Variants in GTF3C3 observed in about 807,000 individuals in gnomAD.
GTF3C3 encodes the protein general transcription factor 3C polypeptide 3.
A neutral mutation model predicts 105.2 loss-of-function variants in GTF3C3; 75 were observed. The ratio of observed to expected loss-of-function variants is 0.71; its 90% CI spans 0.59 to 0.86. GTF3C3 has a LOEUF of 0.86. GTF3C3 is among the 40% of genes least tolerant of loss of function. The pLI is 0.00. For missense variants in GTF3C3, 856 were observed against 1,076.5 expected (o/e 0.80, Z 2.87); for synonymous variants, 335 against 370.4 (o/e 0.90, Z 1.10).
At chr2:196,781,389 A>AT (rs1699359447) in intron 8 of GTF3C3, among the ~76,000 whole-genome samples, 1 of 53,660 alleles carries the variant, frequency 1.9e-5, no homozygotes, top group African/African-American at 4.8e-5. Context: ...TATATATATA[A>AT]AATTAAATAA....
At chr2:196,768,022 T>C (rs1699097500) in intron 16 of GTF3C3, among the ~76,000 whole-genome samples, 1 of 152,206 alleles carries the variant, frequency 6.6e-6, no homozygotes, top group Admixed American at 6.5e-5. Context: ...TCTATTGTTC[T>C]ATTCTGTTCT....
At chr2:196,775,298 T>C (rs761231689) in intron 12 of GTF3C3, 47 bp from the exon 13 acceptor site, 1 of 1,541,434 alleles carries the variant, frequency 6.5e-7, no homozygotes, top group African/African-American at 1.4e-5. Context: ...ATAACTGTTT[T>C]GTTTAGAGAC....
chr2:196,778,811 CTA>C, intron 10 of GTF3C3, 83 bp downstream of exon 10: 1 of 1,227,978 alleles, frequency 8.1e-7, no homozygotes, highest in Non-Finnish European at 1.2e-6. Context: ...AACACTTGCA[CTA>C]TAATAATTAT....
chr2:196,781,357 A>ATAT (rs1553578902), intron 8 of GTF3C3, among the ~76,000 whole-genome samples: 42 of 18,792 alleles, frequency 2.2e-3, no homozygotes, highest in East Asian at 5.7e-3. Flanking sequence ...AAAAAAAAAA[A>ATAT]ATATATATAT....
Position 196,781,357 on chromosome 2 carries a change from A to AAAAT in GTF3C3, c.1115-696_1115-695insATTT. The stretch of plus-strand genomic sequence containing the variant: ...ATGTTAAGGGGAAAAAAAAAAAAAA[A>AAAAT]ATATATATATATATATATATATATA... On this transcript the variant is annotated intron_variant, in intron 8 of 17. Transcript: ENST00000263956. Among the ~76,000 whole-genome samples the AAAAT allele has an allele frequency of 4.8e-4, 9 of 18,818 alleles. 1 individual carries two copies. In the South Asian group the frequency reaches 0.02, roughly 41 times the overall value. The allele number at this position is 18,818 out of a possible 152,430, so 12.3% of individuals were successfully genotyped here. A position where few individuals can be genotyped will look rare whatever the true frequency, so the allele number is the denominator to read the frequency against.
At chr2:196,768,864 A>G (rs911345022) in intron 16 of GTF3C3, among the ~76,000 whole-genome samples, 4 of 152,124 alleles carry the variant, frequency 2.6e-5, no homozygotes, top group Non-Finnish European at 4.4e-5. Flanking sequence ...AATCCATAAA[A>G]TTTTCCTATC....
At chr2:196,769,857 A>C in intron 16 of GTF3C3, 58 bp downstream of exon 16, 3 of 1,406,906 alleles carry the variant, frequency 2.1e-6, no homozygotes, top group Non-Finnish European at 3.0e-6. Flanking sequence ...AAAAAGTATT[A>C]AGTATATTCA....
chr2:196,798,862 C>CAAAA (rs71410624), intron 1 of GTF3C3, among the ~76,000 whole-genome samples: 88 of 83,624 alleles, frequency 1.1e-3, no homozygotes, highest in Middle Eastern at 6.2e-3. Context: ...AACTCCGTCT[C>CAAAA]AAAAAAAAAA....
At chr2:196,781,357 A>AAAATATATATATATATATATAT in intron 8 of GTF3C3, among the ~76,000 whole-genome samples, 2 of 18,812 alleles carry the variant, frequency 1.1e-4, no homozygotes, top group African/African-American at 2.1e-4. Context: ...AAAAAAAAAA[A>AAAATATATATATATATATATAT]ATATATATAT....
intron 6 of GTF3C3, among the ~76,000 whole-genome samples, chr2:196,787,924 G>GA (rs1374090756): frequency 6.6e-6 from 1 of 151,970 alleles, no homozygotes; most frequent in African/African-American, 2.4e-5. Context: ...TTCCACATAG[G>GA]AAAGACCTCA....
chr2:196,780,821 T>C, intron 8 of GTF3C3, 159 bp from the exon 9 acceptor site: 2 of 811,964 alleles, frequency 2.5e-6, no homozygotes, highest in Non-Finnish European at 3.6e-6. Context: ...TCTCAGTCTG[T>C]CCTTTGGTAG....
intron 8 of GTF3C3, among the ~76,000 whole-genome samples, chr2:196,783,236 T>A (rs950394557): frequency 3.3e-5 from 5 of 151,126 alleles, no homozygotes; most frequent in Non-Finnish European, 7.4e-5. Context: ...TGTTGTTGAT[T>A]TATGTTAATA....
rs554779580 is a variant in GTF3C3 at position 196,787,184 on chromosome 2, T to A, written c.894-1596A>T. Among the ~76,000 whole-genome samples the A allele has an allele frequency of 2.6e-5, 4 of 152,120 alleles. No individual in the cohort carries two copies. The South Asian group carries it at 8.3e-4, about 32-fold the overall frequency. On this transcript the variant is annotated intron_variant, in intron 6 of 17. Transcript: ENST00000263956. Reference sequence around the variant, plus strand: ...ACATAATCTGATTACTTCGTACCAGTTCCTGCTGCTTCCATCCTGGTCCAC... The same window carrying A: ...ACATAATCTGATTACTTCGTACCAGATCCTGCTGCTTCCATCCTGGTCCAC...
At chr2:196,796,319 C>G (rs990233995) in intron 2 of GTF3C3, among the ~76,000 whole-genome samples, 9 of 152,200 alleles carry the variant, frequency 5.9e-5, no homozygotes, top group African/African-American at 2.2e-4. Flanking sequence ...GGACTCAGCT[C>G]ACTCCTTTTT....
chr2:196,778,916 A>G lies in GTF3C3; in HGVS notation c.1370T>C (p.Val457Ala). Reference protein sequence around the residue: ...LVCSERYNLAVVWLRHAECLK... With the variant: ...LVCSERYNLAAVWLRHAECLK... The stretch of plus-strand genomic sequence containing the variant: ...GTTACCTGCATGACGAAGCCAAACT[A>G]CTGCAAGGTTGTATCTTTCAGAGCA... The change falls in exon 10 of 18, where the codon GTA becomes GCA. Residue 457 changes from valine (V) to alanine (A), a missense_variant. Physicochemically the swap from Val to Ala is moderately conservative, Grantham distance 64. This residue lies in a region of GTF3C3 where 605 missense variants were observed against 833.6 expected (regional missense o/e 0.73). Coordinates refer to ENST00000263956, the MANE Select transcript of GTF3C3 (RefSeq NM_012086.5). The G allele has an allele frequency of 6.2e-7, 1 of 1,614,052 alleles. No homozygotes were observed.
chr2:196,789,608 C>T (rs1699512509), intron 5 of GTF3C3, among the ~76,000 whole-genome samples: 1 of 152,158 alleles, frequency 6.6e-6, no homozygotes, highest in African/African-American at 2.4e-5. Flanking sequence ...TGTTAATCCT[C>T]AAGGAACAGC....
chr2:196,784,977 C>G (rs746917448), intron 7 of GTF3C3, 48 bp from the exon 8 acceptor site: 2 of 1,220,750 alleles, frequency 1.6e-6, no homozygotes, highest in African/African-American at 3.0e-5. Flanking sequence ...TGTGAAAAAC[C>G]ATTTCATAAT....
intron 1 of GTF3C3, among the ~76,000 whole-genome samples, chr2:196,798,840 C>A (rs1043259867): frequency 7.1e-4 from 78 of 109,512 alleles, no homozygotes; most frequent in Admixed American, 3.8e-4. Context: ...CCAGCCTGGG[C>A]AACAAGAGCG....
At chr2:196,789,072 C>A (rs1345659511) in intron 6 of GTF3C3, 132 bp downstream of exon 6, 4 of 746,248 alleles carry the variant, frequency 5.4e-6, no homozygotes, top group Non-Finnish European at 8.5e-6. Flanking sequence ...TCTCAATAAA[C>A]AAAACAATAA....
Sources: gnomAD v4.1 joint callset for allele counts (sites outside exome capture counted in the v4.1 genomes callset) on GRCh38, gnomAD v4.1.1 for gene constraint, gnomAD v4.1.1 regional missense constraint, MANE v1.5 for transcripts, NCBI Gene and HGNC (gene_info 2026-07-23, HGNC 2026-07-21) for gene names.